Variants in AUTS2 observed in about 807,000 individuals in gnomAD.
AUTS2 encodes activator of transcription and developmental regulator AUTS2, also known as autism susceptibility gene 2 protein.
In AUTS2, 17 loss-of-function variants were observed where a neutral mutation model predicts 112.4. The ratio of observed to expected loss-of-function variants is 0.15; its 90% confidence interval spans 0.10 to 0.23. The LOEUF (loss-of-function observed/expected upper bound fraction) is 0.23, where lower values mean the gene tolerates loss of function less well. Among genes scored for constraint, AUTS2 ranks in the 10% least tolerant of loss-of-function variants. The pLI, the probability that AUTS2 is intolerant of heterozygous loss-of-function variation, is 1.00. For missense variants in AUTS2, 1,510 were observed against 1,701.6 expected (o/e 0.89, Z 1.98); for synonymous variants, 751 against 702.7 (o/e 1.07, Z -1.09).
chr7:70,440,846 G>A (rs896542647), intron 5 of AUTS2, among the ~76,000 whole-genome samples: 5 of 152,172 alleles, frequency 3.3e-5, no homozygotes, highest in East Asian at 1.9e-4. Context: ...AACACTGTCG[G>A]TTCCCAGAAA....
In AUTS2 at chr7:69,599,768, G is replaced by A; in HGVS notation, c.115G>A (p.Gly39Arg). The change falls in exon 1 of 19, where the codon GGG becomes AGG. Residue 39 changes from glycine (G) to arginine (R), a missense_variant. Physicochemically the swap from Gly to Arg is moderately radical, Grantham distance 125. This residue lies in a region of AUTS2 where 535 missense variants were observed against 594.3 expected (regional missense o/e 0.90). Coordinates refer to ENST00000342771, the MANE Select transcript of AUTS2 (RefSeq NM_015570.4). The surrounding 1 kb of genome is among the most constrained non-coding windows in gnomAD (Gnocchi z 7.0). ...GLGAGAAGGG[G>R]AGRTRALSLA... ...GGGGGCCGGCGCGGCCGGCGGCGGCGGGGCTGGCCGGACCCGGGCGCTCTC... is the reference window on the plus strand; with the variant it reads ...GGGGGCCGGCGCGGCCGGCGGCGGCAGGGCTGGCCGGACCCGGGCGCTCTC... 1 of 1,402,082 alleles carries A rather than the reference G, an allele frequency of 7.1e-7. No homozygotes were observed. The highest frequency in any genetic ancestry group is 9.3e-7 in the Non-Finnish European group (1 of 1,080,488). The allele number at this position is 1,402,082 out of a possible 1,614,324, so 86.9% of individuals were successfully genotyped here.
At chr7:69,770,090 G>A (rs1023603606) in intron 1 of AUTS2, among the ~76,000 whole-genome samples, 1 of 152,202 alleles carries the variant, frequency 6.6e-6, no homozygotes, top group Non-Finnish European at 1.5e-5. Flanking sequence ...AGGAAGTGTA[G>A]GCCCTCATTG....
At chr7:70,268,404 A>G (rs1787537630) in intron 4 of AUTS2, among the ~76,000 whole-genome samples, 1 of 152,222 alleles carries the variant, frequency 6.6e-6, no homozygotes, top group Non-Finnish European at 1.5e-5. Flanking sequence ...TGTAAGTCCA[A>G]TAAACTTCCT....
intron 4 of AUTS2, among the ~76,000 whole-genome samples, chr7:70,253,991 G>GA: frequency 6.6e-6 from 1 of 152,182 alleles, no homozygotes; most frequent in Admixed American, 6.5e-5. Context: ...ACTAGTTTGG[G>GA]AAATATTCAT....
intron 2 of AUTS2, among the ~76,000 whole-genome samples, chr7:70,103,052 C>T (rs1452506448): frequency 6.6e-6 from 1 of 151,998 alleles, no homozygotes; most frequent in Non-Finnish European, 1.5e-5. Flanking sequence ...TTTAGAGATA[C>T]CAGAATAATT....
chr7:70,107,110 A>C (rs1360730583), intron 2 of AUTS2, among the ~76,000 whole-genome samples: 5 of 152,128 alleles, frequency 3.3e-5, no homozygotes, highest in Non-Finnish European at 1.5e-5. Context: ...AGACTTCTTA[A>C]ACTAACTGTA....
chr7:69,805,909 T>TC (rs1490414244), intron 1 of AUTS2, among the ~76,000 whole-genome samples: 2 of 152,164 alleles, frequency 1.3e-5, no homozygotes, highest in African/African-American at 4.8e-5. Flanking sequence ...TTTTGTTTTT[T>TC]GTTTTTTGAG....
intron 4 of AUTS2, among the ~76,000 whole-genome samples, chr7:70,329,525 A>G (rs562781196): frequency 1.3e-5 from 2 of 151,886 alleles, no homozygotes; most frequent in East Asian, 1.9e-4. Flanking sequence ...TTCTTGACCA[A>G]TGATGTTGAG....
At chr7:70,074,573 A>G (rs151310715) in intron 2 of AUTS2, among the ~76,000 whole-genome samples, 2 of 152,274 alleles carry the variant, frequency 1.3e-5, no homozygotes, top group East Asian at 3.9e-4. Flanking sequence ...GTTTAGTTGT[A>G]GCTTACTCAA....
At chr7:69,915,822 G>T (rs746201755) in intron 2 of AUTS2, among the ~76,000 whole-genome samples, 37 of 152,250 alleles carry the variant, frequency 2.4e-4, no homozygotes, top group Non-Finnish European at 5.0e-4. Flanking sequence ...TGCCCCCCGG[G>T]CTTAAGTGAT....
chr7:70,262,526 C>G (rs1286469823), intron 4 of AUTS2, among the ~76,000 whole-genome samples: 2 of 152,088 alleles, frequency 1.3e-5, no homozygotes, highest in Non-Finnish European at 2.9e-5. Flanking sequence ...TTTTATATAT[C>G]AAAGTAAAGA....
At chr7:69,901,655 G>A (rs1203837526) in intron 2 of AUTS2, among the ~76,000 whole-genome samples, 1 of 152,122 alleles carries the variant, frequency 6.6e-6, no homozygotes, top group East Asian at 1.9e-4. Flanking sequence ...AGCATGAATT[G>A]TATCTTTGGC....
At chr7:70,784,459 T>C (rs10228883) in intron 15 of AUTS2, 29,457 of 152,202 alleles carry the variant, frequency 0.19, 3,543 homozygotes, top group East Asian at 0.38. Flanking sequence ...GATTCCATGA[T>C]GAAATGTTCC....
chr7:70,491,590 TGTGTGTG>T (rs1331280925), intron 5 of AUTS2, among the ~76,000 whole-genome samples: 20 of 28,814 alleles, frequency 6.9e-4, no homozygotes, highest in African/African-American at 2.5e-3. Flanking sequence ...GTATATATAT[TGTGTGTG>T]TGTGTGTGTG....
intron 2 of AUTS2, among the ~76,000 whole-genome samples, chr7:69,906,970 G>A (rs1486458361): frequency 2.0e-5 from 3 of 152,094 alleles, no homozygotes; most frequent in Non-Finnish European, 4.4e-5. Context: ...AGCTGGGCAT[G>A]GTGACGCATG....
At chr7:70,333,261 G>T (rs181801799) in intron 4 of AUTS2, among the ~76,000 whole-genome samples, 1 of 152,094 alleles carries the variant, frequency 6.6e-6, no homozygotes, top group Non-Finnish European at 1.5e-5. Context: ...AATGAGATAC[G>T]ATTTCATGCC....
At chr7:70,534,579 A>T (rs1358992037) in intron 5 of AUTS2, among the ~76,000 whole-genome samples, 1 of 152,110 alleles carries the variant, frequency 6.6e-6, no homozygotes, top group Non-Finnish European at 1.5e-5. Context: ...GGCATGTGCC[A>T]CTATGCCCAG....
chr7:70,196,217 T>G (rs1810166600), intron 4 of AUTS2, among the ~76,000 whole-genome samples: 1 of 152,130 alleles, frequency 6.6e-6, no homozygotes, highest in South Asian at 2.1e-4. Context: ...ATTAAGTGTG[T>G]GGTGTTTAGG....
intron 2 of AUTS2, among the ~76,000 whole-genome samples, chr7:70,097,172 C>A (rs1014488525): frequency 3.3e-5 from 5 of 152,160 alleles, no homozygotes; most frequent in African/African-American, 1.2e-4. Context: ...TATGAGATTA[C>A]ACTGGGTGTT....
Sources: gnomAD v4.1 joint callset for allele counts (sites outside exome capture counted in the v4.1 genomes callset) on GRCh38, gnomAD v4.1.1 for gene constraint, gnomAD v4.1.1 regional missense constraint, Gnocchi (gnomAD v3.1) non-coding constraint, MANE v1.5 for transcripts, NCBI Gene and HGNC (gene_info 2026-07-23, HGNC 2026-07-21) for gene names.